The following LRP2 variants were observed in gnomAD, a reference collection of about 807,000 sequenced individuals.
LRP2 encodes the protein LDL receptor related protein 2, also known as low-density lipoprotein receptor-related protein 2.
Under a neutral mutation model 531.0 loss-of-function variants are expected in LRP2, and 172 were observed. The ratio of observed to expected loss-of-function variants is 0.32; its 90% CI spans 0.29 to 0.37. The LOEUF (loss-of-function observed/expected upper bound fraction) is 0.37. Ranked by LOEUF, LRP2 falls within the 10% of genes least tolerant of loss-of-function variation. The pLI is 1.00. For synonymous variants in LRP2, 1,992 were observed against 2,027.6 expected, an observed-to-expected ratio of 0.98 and a Z score of 0.47; for missense variants, 5,167 against 5,868.3, an observed-to-expected ratio of 0.88 and a Z score of 3.90.
chr2:169,128,999 T>A lies in LRP2; in HGVS notation c.13800+14A>T. 6.3e-7 allele frequency: 1 copy of A among 1,598,444 alleles called. No individual in the cohort carries two copies. Among genetic ancestry groups the A allele is most frequent in the African/African-American group, 1.3e-5 (1 of 74,696 alleles). On this transcript the variant is annotated intron_variant, in intron 78 of 78. Transcript: ENST00000649046. ...GAAAAAATGTCTGTGCTAAGAAAAATTGTTAAAAATTACCTGTGCATAGAT... is the reference window on the plus strand; with the variant it reads ...GAAAAAATGTCTGTGCTAAGAAAAAATGTTAAAAATTACCTGTGCATAGAT...
At position 169,206,528 on chromosome 2, in the gene LRP2, A is replaced by T; in HGVS notation, c.7192T>A (p.Leu2398Met). 6.2e-7 allele frequency: 1 copy of T among 1,614,224 alleles called. No homozygotes were observed. The highest frequency in any genetic ancestry group is 8.5e-7 in the Non-Finnish European group (1 of 1,180,040). Residue 2398 changes from leucine to methionine, a missense_variant, in exon 39 of 79, where the codon TTG (leucine) becomes ATG (methionine). Leu to Met is a conservative substitution (Grantham distance 15). This residue lies in a region of LRP2 where 2,811 missense variants were observed against 3,058.0 expected (regional missense o/e 0.92). Coordinates refer to ENST00000649046, the MANE Select transcript of LRP2 (RefSeq NM_004525.3). ...NFLIFALSNS[L>M]RSLHLDPENH... The stretch of plus-strand genomic sequence containing the variant: ...TCAGGGTCCAAGTGTAAGCTTCTCA[A>T]GGAATTAGACAAGGCAAAGATGAGG...
chr2:169,324,348 TA>T (rs1684986883), intron 1 of LRP2, among the ~76,000 whole-genome samples: 2 of 150,746 alleles, frequency 1.3e-5, no homozygotes, highest in Admixed American at 1.3e-4. Flanking sequence ...AGAATGAATG[TA>T]AAAATCTGAT....
At chr2:169,281,419 T>C (rs1464742176) in intron 10 of LRP2, among the ~76,000 whole-genome samples, 1 of 147,994 alleles carries the variant, frequency 6.8e-6, no homozygotes. Flanking sequence ...CAAGACTCCA[T>C]CTCAAAAATA....
rs2105334739 is a variant in LRP2 at position 169,137,421 on chromosome 2, T to C, written c.13591A>G (p.Ser4531Gly). 1.2e-6 allele frequency: 2 copies of C among 1,614,088 alleles called. No homozygotes were observed. Among genetic ancestry groups the C allele is most frequent in the East Asian group, 2.2e-5 (1 of 44,876 alleles). Reference protein sequence around the residue: ...FENPMYSARDSAVKVVQPIQV... With the variant: ...FENPMYSARDGAVKVVQPIQV... ...ATTGGCTGAACCACTTTGACAGCACTGTCTCTGGCTGAGTACATTGGGTTT... is the reference window on the plus strand; with the variant it reads ...ATTGGCTGAACCACTTTGACAGCACCGTCTCTGGCTGAGTACATTGGGTTT... The change falls in exon 76 of 79, where the codon AGT becomes GGT. Residue 4531 changes from serine (S) to glycine (G), a missense_variant. This residue lies in a region of LRP2 where 348 missense variants were observed against 369.3 expected (regional missense o/e 0.94). Transcript: ENST00000649046.
At chr2:169,175,019 TAAAAAAA>T (rs201393942) in intron 55 of LRP2, among the ~76,000 whole-genome samples, 167 bp downstream of exon 55, 1 of 108,730 alleles carries the variant, frequency 9.2e-6, no homozygotes, top group South Asian at 2.9e-4. Flanking sequence ...TTAAGATTTC[TAAAAAAA>T]AAAAAAAAAA....
chr2:169,165,947 C>T lies in LRP2; in HGVS notation c.11743G>A (p.Glu3915Lys). Reference sequence around the variant, plus strand: ...TTTTGCTTACAGTGCTCCTCTGTCTCATCAGTTCCATCTCCACAGTCATCC... The same window carrying T: ...TTTTGCTTACAGTGCTCCTCTGTCTTATCAGTTCCATCTCCACAGTCATCC... ...GVDDCGDGTDETEEHCRKPTP... is the reference protein window; with the variant it reads ...GVDDCGDGTDKTEEHCRKPTP... Residue 3915 changes from glutamate to lysine, a missense_variant, in exon 62 of 79, where the codon GAG (glutamate) becomes AAG (lysine). Coordinates refer to ENST00000649046, the MANE Select transcript of LRP2 (RefSeq NM_004525.3). 3 of 1,614,060 alleles carry T rather than the reference C, an allele frequency of 1.9e-6. No homozygotes were observed. The highest frequency in any genetic ancestry group is 2.5e-6 in the Non-Finnish European group (3 of 1,179,932).
rs1689161395 is a variant in LRP2, at chr2:169,225,296, T to G, written c.5538+14A>C. 6.2e-7 allele frequency: 1 copy of G among 1,612,502 alleles called. No individual in the cohort carries two copies. The highest frequency in any genetic ancestry group is 1.7e-5 in the Admixed American group (1 of 59,978). On this transcript the variant is annotated intron_variant, in intron 33 of 78. Coordinates refer to ENST00000649046, the MANE Select transcript of LRP2 (RefSeq NM_004525.3). ...AATCCAATGTTTGTGTAAGTAGTAT[T>G]ATGGAATCATTACCTCGATTGACTG...
At chr2:169,311,545 T>C (rs1203090528) in intron 3 of LRP2, among the ~76,000 whole-genome samples, 4 of 152,244 alleles carry the variant, frequency 2.6e-5, no homozygotes, top group Admixed American at 2.0e-4. Context: ...TTTAGTTTGA[T>C]TGCACTGTGG....
chr2:169,211,502 A>G (rs188736118), intron 37 of LRP2, among the ~76,000 whole-genome samples: 2 of 152,330 alleles, frequency 1.3e-5, no homozygotes, highest in East Asian at 3.9e-4. Flanking sequence ...TTTGTGGACT[A>G]TTTCATTACC....
chr2:169,279,930 C>T (rs1207439575), intron 11 of LRP2, among the ~76,000 whole-genome samples: 2 of 152,100 alleles, frequency 1.3e-5, no homozygotes, highest in Non-Finnish European at 2.9e-5. Context: ...AAAATACCGT[C>T]AATATTTGTT....
At chr2:169,205,887 A>T (rs1308307762) in intron 40 of LRP2, 136 bp downstream of exon 40, 2 of 1,220,914 alleles carry the variant, frequency 1.6e-6, no homozygotes, top group East Asian at 4.7e-5. Flanking sequence ...AAATCACTCA[A>T]TATGCTTTCA....
chr2:169,142,830 A>T (rs1480823319), intron 70 of LRP2, 37 bp from the exon 71 acceptor site: 1 of 1,612,106 alleles, frequency 6.2e-7, no homozygotes, highest in Non-Finnish European at 8.5e-7. Context: ...AGGTCCTGAC[A>T]GAATGAATAA....
intron 23 of LRP2, 101 bp downstream of exon 23, chr2:169,243,302 A>G (rs1018043194): frequency 5.0e-6 from 7 of 1,406,388 alleles, no homozygotes; most frequent in African/African-American, 1.4e-5. Flanking sequence ...CCACCCCCCA[A>G]CAGGCCCCGG....
At chr2:169,312,436 G>A (rs1355241241) in intron 3 of LRP2, among the ~76,000 whole-genome samples, 3 of 152,144 alleles carry the variant, frequency 2.0e-5, no homozygotes, top group African/African-American at 7.2e-5. Flanking sequence ...TGTCTGTAAA[G>A]GATTTTATTT....
At chr2:169,328,238 G>C in intron 1 of LRP2, among the ~76,000 whole-genome samples, 1 of 119,118 alleles carries the variant, frequency 8.4e-6, no homozygotes, top group East Asian at 2.4e-4. Context: ...GGAGGGAGGT[G>C]GGGGGGTCAG....
chr2:169,139,132 TGGAA>T, intron 74 of LRP2, 115 bp downstream of exon 74: 1 of 1,452,208 alleles, frequency 6.9e-7, no homozygotes, highest in African/African-American at 1.4e-5. Context: ...TTTGTTTCTG[TGGAA>T]TCGGTGAACT....
rs552051855 is a variant in LRP2, at chr2:169,231,788, T to A, written c.5153A>T (p.Gln1718Leu). 2 of 1,614,008 alleles carry A rather than the reference T, an allele frequency of 1.2e-6. No individual in the cohort carries two copies. The highest frequency in any genetic ancestry group is 3.3e-5 in the Admixed American group (2 of 59,998). The change falls in exon 31 of 79, where the codon CAG becomes CTG. Residue 1718 changes from glutamine to leucine, a missense_variant. This residue lies in a region of LRP2 where 2,811 missense variants were observed against 3,058.0 expected (regional missense o/e 0.92). Transcript: ENST00000649046. ...RCSHLCLLSS[Q>L]GPHFYSCVCP... ...AACACAGGAGTAAAAATGAGGCCCCTGTGAGGAAAGCAGGCAGAGATGGCT... is the reference window on the plus strand; with the variant it reads ...AACACAGGAGTAAAAATGAGGCCCCAGTGAGGAAAGCAGGCAGAGATGGCT...
At chr2:169,145,723 T>C (rs1685882009) in intron 70 of LRP2, 24 bp downstream of exon 70, 1 of 1,611,440 alleles carries the variant, frequency 6.2e-7, no homozygotes, top group African/African-American at 1.3e-5. Flanking sequence ...ATGAGGAGCA[T>C]CTTATACCAA....
intron 46 of LRP2, among the ~76,000 whole-genome samples, chr2:169,196,628 A>G (rs922724354): frequency 6.6e-6 from 1 of 152,256 alleles, no homozygotes; most frequent in African/African-American, 2.4e-5. Flanking sequence ...ACTAAAATTA[A>G]GTTCTACCAG....
Sources: gnomAD v4.1 joint callset for allele counts (sites outside exome capture counted in the v4.1 genomes callset) on GRCh38, gnomAD v4.1.1 for gene constraint, gnomAD v4.1.1 regional missense constraint, MANE v1.5 for transcripts, NCBI Gene and HGNC (gene_info 2026-07-23, HGNC 2026-07-21) for gene names.